LAMP1: variants seen among roughly 807,000 people sequenced by gnomAD.
The protein encoded by LAMP1 is lysosome associated membrane protein 1.
LAMP1 carries 7 observed loss-of-function variants against 37.5 expected under a neutral mutation model. The ratio of observed to expected loss-of-function variants is 0.19; its 90% CI spans 0.11 to 0.35. The LOEUF is 0.35. Ranked by LOEUF, LAMP1 falls within the 10% of genes least tolerant of loss-of-function variation. The pLI is 1.00. For synonymous variants in LAMP1, 236 were observed against 229.1 expected (o/e 1.03, Z -0.27); for missense variants, 537 against 552.8 (o/e 0.97, Z 0.29).
At position 113,320,290 on chromosome 13, in the gene LAMP1, C is replaced by T. The variant is rs186748253; in HGVS notation, c.751-55C>T. 7.5e-6 allele frequency: 12 copies of T among 1,606,422 alleles called. No individual in the cohort carries two copies. The highest frequency in any genetic ancestry group is 2.7e-5 in the African/African-American group (2 of 74,826). ...ACGGTTTCAGGACTGTTTGTCTTTT[C>T]GAGAGTGTGGAGGACCTGAGCTAGG... On this transcript the variant is annotated intron_variant, in intron 5 of 8. Transcript: ENST00000332556. The surrounding 1 kb of genome is among the most constrained non-coding windows in gnomAD (Gnocchi z 4.4).
chr13:113,305,166 C>G (rs1442576847), intron 1 of LAMP1: 1 of 152,208 alleles, frequency 6.6e-6, no homozygotes, highest in Admixed American at 6.5e-5. Flanking sequence ...AAAAGCTAAG[C>G]ATCCTCTCTT....
Position 113,297,622 on chromosome 13 carries a change from C to G in LAMP1, c.61+127C>G. On this transcript the variant is annotated intron_variant, in intron 1 of 8. Transcript: ENST00000332556. This position sits in a 1 kb window ranked among gnomAD's most constrained non-coding sequence, Gnocchi z 4.4. ...GCCCCGCACCCACTGCTCCTGGTCCCGGCCGGCTCTGCCCGCGGGCGGGTG... is the reference window on the plus strand; with the variant it reads ...GCCCCGCACCCACTGCTCCTGGTCCGGGCCGGCTCTGCCCGCGGGCGGGTG... The G allele has an allele frequency of 1.1e-6, 1 of 894,592 alleles. No homozygotes were observed. Among genetic ancestry groups the G allele is most frequent in the Non-Finnish European group, 1.4e-6 (1 of 702,052 alleles). 55.4% of individuals were successfully genotyped at this position (894,592 alleles called of 1,614,324 possible). A position where few individuals can be genotyped will look rare whatever the true frequency, so the allele number is the denominator to read the frequency against.
At position 113,322,524 on chromosome 13, in the gene LAMP1, A is replaced by T; in HGVS notation, c.*103A>T. 5.6e-6 allele frequency: 6 copies of T among 1,069,926 alleles called. No homozygotes were observed. Among genetic ancestry groups the T allele is most frequent in the Non-Finnish European group, 8.0e-6 (6 of 753,344 alleles). 66.3% of individuals were successfully genotyped at this position (1,069,926 alleles called of 1,614,324 possible). On this transcript the variant is annotated 3_prime_UTR_variant, in exon 9 of 9. Transcript: ENST00000332556. ...ACACTTTCTGGCAAACGTTTCTCAA[A>T]TCTGCTTCATCCAATGTGAAGTTCA... is the stretch of plus-strand genomic sequence containing the variant.
intron 1 of LAMP1, among the ~76,000 whole-genome samples, chr13:113,303,081 C>T (rs896094083): frequency 2.0e-5 from 3 of 152,210 alleles, no homozygotes; most frequent in Admixed American, 2.0e-4. Context: ...TAACAGCTGA[C>T]ATCAAAGCTG....
rs770458182 is a variant in LAMP1, at chr13:113,322,262, C to T, written c.1115-20C>T. On this transcript the variant is annotated intron_variant, in intron 8 of 8. Transcript: ENST00000332556. ...CCCCTGTGTGAGCAGAGCCCTGACA[C>T]CATCCGTCTGTCTTGGCAGTGGAGG... 6.2e-7 allele frequency: 1 copy of T among 1,602,412 alleles called. No individual in the cohort carries two copies. The highest frequency in any genetic ancestry group is 8.5e-7 in the Non-Finnish European group (1 of 1,173,252).
intron 4 of LAMP1, among the ~76,000 whole-genome samples, chr13:113,311,576 G>A (rs904396254): frequency 6.6e-6 from 1 of 152,162 alleles, no homozygotes; most frequent in African/African-American, 2.4e-5. Flanking sequence ...AGGGACAGGT[G>A]CAGAAAGACC....
chr13:113,299,937 G>A (rs2042561981), intron 1 of LAMP1, among the ~76,000 whole-genome samples: 2 of 150,820 alleles, frequency 1.3e-5, no homozygotes, highest in African/African-American at 5.0e-5. Context: ...TTTAATGTGC[G>A]ATTTCACCAA....
intron 4 of LAMP1, among the ~76,000 whole-genome samples, chr13:113,313,157 C>G (rs1330562048): frequency 6.6e-6 from 1 of 152,134 alleles, no homozygotes; most frequent in Non-Finnish European, 1.5e-5. Flanking sequence ...TGACCGCTCA[C>G]TCACTCCTGC....
At position 113,322,366 on chromosome 13, in the gene LAMP1, TCATCGC is replaced by T; in HGVS notation, c.1201_1206del (p.Ile401_Ala402del). 2.5e-6 allele frequency: 4 copies of T among 1,589,680 alleles called. No homozygotes were observed. The highest frequency in any genetic ancestry group is 1.7e-5 in the Admixed American group (1 of 57,416). On this transcript the variant is annotated inframe_deletion, in exon 9 of 9. Transcript: ENST00000332556. ...CTGGCGGGGCTGGTCCTCATCGTCC[TCATCGC>T]CTACCTCGTCGGCAGGAAGAGGAGT...
chr13:113,322,527 T>C lies in LAMP1; in HGVS notation c.*106T>C. The C allele has an allele frequency of 9.5e-7, 1 of 1,052,930 alleles. No homozygotes were observed. 65.2% of individuals were successfully genotyped at this position (1,052,930 alleles called of 1,614,324 possible). A position where few individuals can be genotyped will look rare whatever the true frequency, so the allele number is the denominator to read the frequency against. The stretch of plus-strand genomic sequence containing the variant: ...CTTTCTGGCAAACGTTTCTCAAATC[T>C]GCTTCATCCAATGTGAAGTTCATCT... On this transcript the variant is annotated 3_prime_UTR_variant, in exon 9 of 9. Transcript: ENST00000332556.
intron 1 of LAMP1, among the ~76,000 whole-genome samples, chr13:113,300,290 G>T (rs1190210562): frequency 1.3e-5 from 2 of 152,018 alleles, no homozygotes; most frequent in Non-Finnish European, 2.9e-5. Context: ...AGACCAGCCT[G>T]GCCAATGTGG....
chr13:113,297,596 C>T lies in LAMP1; in HGVS notation c.61+101C>T. On this transcript the variant is annotated intron_variant, in intron 1 of 8. Coordinates refer to ENST00000332556, the MANE Select transcript of LAMP1 (RefSeq NM_005561.4). The surrounding 1 kb of genome is among the most constrained non-coding windows in gnomAD (Gnocchi z 4.4). ...ACTGCCGGGTCGTTGTCCCGCGGGTCGCCCCGCACCCACTGCTCCTGGTCC... is the reference window on the plus strand; with the variant it reads ...ACTGCCGGGTCGTTGTCCCGCGGGTTGCCCCGCACCCACTGCTCCTGGTCC... 1.8e-6 allele frequency: 2 copies of T among 1,101,742 alleles called. No homozygotes were observed. Among genetic ancestry groups the T allele is most frequent in the Non-Finnish European group, 2.3e-6 (2 of 883,588 alleles). The allele number at this position is 1,101,742 out of a possible 1,614,324, so 68.2% of individuals were successfully genotyped here.
intron 1 of LAMP1, 103 bp from the exon 2 acceptor site, chr13:113,306,382 C>G: frequency 2.5e-6 from 3 of 1,191,898 alleles, no homozygotes; most frequent in Non-Finnish European, 3.5e-6. Flanking sequence ...ACAGTGGAAT[C>G]TTGTAATAAA....
chr13:113,310,430 G>C (rs2042624130), intron 3 of LAMP1, among the ~76,000 whole-genome samples: 1 of 152,052 alleles, frequency 6.6e-6, no homozygotes, highest in Non-Finnish European at 1.5e-5. Flanking sequence ...GGAGGTTGAG[G>C]CAAGAGAATC....
intron 3 of LAMP1, 29 bp downstream of exon 3, chr13:113,309,891 G>T: frequency 6.4e-7 from 1 of 1,566,712 alleles, no homozygotes; most frequent in Admixed American, 1.7e-5. Flanking sequence ...CGATTATGAA[G>T]TGATAGAAAA....
Position 113,309,533 on chromosome 13 carries a change from T to C in LAMP1, c.184-110T>C, listed in dbSNP as rs148668828. The stretch of plus-strand genomic sequence containing the variant: ...AAATGAGTACCTCAGTAGTGATATC[T>C]TAGTTGGAAATGAAGTATAAGTTTA... On this transcript the variant is annotated intron_variant, in intron 2 of 8. Coordinates refer to ENST00000332556, the MANE Select transcript of LAMP1 (RefSeq NM_005561.4). 1.6e-4 allele frequency: 125 copies of C among 799,038 alleles called. 1 individual carries two copies. In the African/African-American group the frequency reaches 1.9e-3, roughly 12 times the overall value. 49.5% of individuals were successfully genotyped at this position (799,038 alleles called of 1,614,324 possible). A position where few individuals can be genotyped will look rare whatever the true frequency, so the allele number is the denominator to read the frequency against.
intron 1 of LAMP1, among the ~76,000 whole-genome samples, chr13:113,302,217 T>C (rs2139356608): frequency 6.7e-6 from 1 of 149,368 alleles, no homozygotes; most frequent in Middle Eastern, 3.8e-3. Flanking sequence ...GACAGTCTCT[T>C]TATGTTGTCC....
chr13:113,317,419 C>T (rs998213569), intron 4 of LAMP1, among the ~76,000 whole-genome samples: 1 of 152,204 alleles, frequency 6.6e-6, no homozygotes, highest in Non-Finnish European at 1.5e-5. Flanking sequence ...ACACTTATTT[C>T]TCAAGTTCCA....
chr13:113,300,007 TTA>T (rs1182398583), intron 1 of LAMP1, among the ~76,000 whole-genome samples: 1 of 152,204 alleles, frequency 6.6e-6, no homozygotes, highest in Non-Finnish European at 1.5e-5. Flanking sequence ...ATATTAATAA[TTA>T]GGCATTGTTT....
Sources: allele counts gnomAD v4.1 joint callset (sites outside exome capture counted in the v4.1 genomes callset), GRCh38; gene constraint gnomAD v4.1.1; non-coding constraint Gnocchi (gnomAD v3.1); transcripts MANE v1.5; gene names NCBI Gene and HGNC (gene_info 2026-07-23, HGNC 2026-07-21).